ADAMTS20: variants seen among roughly 807,000 people sequenced by gnomAD.
ADAMTS20 encodes the protein A disintegrin and metalloproteinase with thrombospondin motifs 20.
ADAMTS20 carries 225 observed loss-of-function variants against 260.1 expected under a neutral mutation model. That is an observed-to-expected ratio of 0.87 (90% CI 0.78 to 0.97). The LOEUF is 0.97. ADAMTS20 is among the 50% of genes least tolerant of loss of function. The pLI, the probability that ADAMTS20 is intolerant of heterozygous loss-of-function variation, is 0.00. For missense variants in ADAMTS20, 2,400 were observed against 2,337.7 expected (o/e 1.03, Z -0.55); for synonymous variants, 802 against 769.5 (o/e 1.04, Z -0.70).
At chr12:43,384,808 A>G (rs930066939) in intron 29 of ADAMTS20, among the ~76,000 whole-genome samples, 1 of 152,172 alleles carries the variant, frequency 6.6e-6, no homozygotes, top group Non-Finnish European at 1.5e-5. Flanking sequence ...ATAGCTGCAT[A>G]GTATTCCATG....
chr12:43,464,770 C>A, intron 9 of ADAMTS20, 38 bp from the exon 10 acceptor site: 2 of 1,578,086 alleles, frequency 1.3e-6, no homozygotes, highest in Non-Finnish European at 1.7e-6. Context: ...TGTGAATACA[C>A]ATGGATGCAT....
intron 4 of ADAMTS20, among the ~76,000 whole-genome samples, chr12:43,496,197 G>A (rs769944096): frequency 6.6e-6 from 1 of 152,150 alleles, no homozygotes. Flanking sequence ...TTTATTGTGT[G>A]CCAGATGTGT....
intron 37 of ADAMTS20, among the ~76,000 whole-genome samples, chr12:43,362,218 A>T (rs1390973781): frequency 6.6e-6 from 1 of 152,220 alleles, no homozygotes; most frequent in Non-Finnish European, 1.5e-5. Context: ...CCACATATCA[A>T]GGAAAAAACT....
intron 37 of ADAMTS20, among the ~76,000 whole-genome samples, chr12:43,367,935 TCTTAA>T (rs1940023042): frequency 6.6e-6 from 1 of 152,036 alleles, no homozygotes; most frequent in South Asian, 2.1e-4. Context: ...GTCAAAGCCT[TCTTAA>T]TGTTGAGCTG....
rs961884643 is a variant in ADAMTS20, at chr12:43,432,203, T to C, written c.3096+101A>G. On this transcript the variant is annotated intron_variant, in intron 21 of 38. Transcript: ENST00000389420. ...TTGATAATAGTTATTTACAAAATGA[T>C]GAAATAAATTTAAGCACTTTTAAAT... 9.5e-6 allele frequency: 12 copies of C among 1,259,810 alleles called. No homozygotes were observed. In the South Asian group the frequency reaches 1.3e-4, roughly 13 times the overall value. The allele number at this position is 1,259,810 out of a possible 1,614,324, so 78.0% of individuals were successfully genotyped here. A position where few individuals can be genotyped will look rare whatever the true frequency, so the allele number is the denominator to read the frequency against.
chr12:43,458,674 C>T (rs1387583043), intron 11 of ADAMTS20, among the ~76,000 whole-genome samples: 3 of 152,200 alleles, frequency 2.0e-5, no homozygotes, highest in Admixed American at 2.0e-4. Flanking sequence ...TTCTAATCAG[C>T]TTCCTGCTCT....
At chr12:43,536,798 C>G (rs275379) in intron 2 of ADAMTS20, among the ~76,000 whole-genome samples, 141,976 of 152,262 alleles carry the variant, frequency 0.93, 66,567 homozygotes, top group East Asian at 0.99. Flanking sequence ...AATTACGCTT[C>G]ACAGAAAAAA....
Position 43,464,995 on chromosome 12 carries a change from T to C in ADAMTS20, c.1368-263A>G, listed in dbSNP as rs186837004. Among the ~76,000 whole-genome samples, 13 of 152,242 alleles carry C rather than the reference T, an allele frequency of 8.5e-5. No individual in the cohort carries two copies. The East Asian group carries it at 2.3e-3, about 27-fold the overall frequency. On this transcript the variant is annotated intron_variant, in intron 9 of 38. Transcript: ENST00000389420. ...TGAAGGTGGCAATTTTAAAAAATGA[T>C]AAGCAATAAACACAAATTCATCAGA... is the stretch of plus-strand genomic sequence containing the variant.
intron 28 of ADAMTS20, among the ~76,000 whole-genome samples, chr12:43,401,922 T>C (rs1289998943): frequency 6.6e-6 from 1 of 151,906 alleles, no homozygotes; most frequent in Non-Finnish European, 1.5e-5. Context: ...TTCTCCTTAA[T>C]GTGACACATT....
intron 3 of ADAMTS20, among the ~76,000 whole-genome samples, chr12:43,509,813 A>G (rs921489148): frequency 1.3e-5 from 2 of 152,152 alleles, no homozygotes; most frequent in Admixed American, 1.3e-4. Flanking sequence ...AGTTCTTAGT[A>G]AATAGTAATA....
chr12:43,374,493 T>C (rs1940178868), intron 36 of ADAMTS20, among the ~76,000 whole-genome samples: 1 of 152,166 alleles, frequency 6.6e-6, no homozygotes, highest in African/African-American at 2.4e-5. Context: ...TTTGACTTGA[T>C]TGTATTATAA....
chr12:43,485,305 C>T (rs1260169208), intron 7 of ADAMTS20, among the ~76,000 whole-genome samples: 1 of 151,864 alleles, frequency 6.6e-6, no homozygotes, highest in Admixed American at 6.6e-5. Flanking sequence ...ATCACATAAA[C>T]AATTAAAAAC....
At chr12:43,537,037 C>A (rs1020229031) in intron 2 of ADAMTS20, among the ~76,000 whole-genome samples, 1 of 151,990 alleles carries the variant, frequency 6.6e-6, no homozygotes, top group African/African-American at 2.4e-5. Flanking sequence ...AATTCCACTG[C>A]AAATAAAAAG....
At chr12:43,366,117 C>G (rs925333010) in intron 37 of ADAMTS20, among the ~76,000 whole-genome samples, 1 of 151,416 alleles carries the variant, frequency 6.6e-6, no homozygotes, top group African/African-American at 2.4e-5. Flanking sequence ...TCTTAAGAGC[C>G]AAAGATATAA....
rs749759643 is a variant in ADAMTS20 at position 43,452,713 on chromosome 12, A to AT, written c.1761-19dup. ...TTCTTGGCCTAGTCAAATTCATTAC[A>AT]TTTTAAAGCACATCAGTACAACATT... On this transcript the variant is annotated intron_variant, in intron 12 of 38. Coordinates refer to ENST00000389420, the MANE Select transcript of ADAMTS20 (RefSeq NM_025003.5). 1.1e-5 allele frequency: 18 copies of AT among 1,584,062 alleles called. No individual in the cohort carries two copies. Among genetic ancestry groups the AT allele is most frequent in the Non-Finnish European group, 1.4e-5 (16 of 1,162,250 alleles).
At chr12:43,363,125 C>G (rs1939909679) in intron 37 of ADAMTS20, among the ~76,000 whole-genome samples, 1 of 152,066 alleles carries the variant, frequency 6.6e-6, no homozygotes, top group Non-Finnish European at 1.5e-5. Context: ...CTCCCACCTC[C>G]CATGACTCGC....
chr12:43,531,810 G>A (rs980197124), intron 3 of ADAMTS20, among the ~76,000 whole-genome samples: 1 of 152,048 alleles, frequency 6.6e-6, no homozygotes, highest in African/African-American at 2.4e-5. Context: ...ATAAGTACAT[G>A]AGCTAATGCA....
At chr12:43,439,541 A>T (rs968453632) in intron 18 of ADAMTS20, 81 bp downstream of exon 18, 1 of 1,501,818 alleles carries the variant, frequency 6.7e-7, no homozygotes, top group Non-Finnish European at 8.9e-7. Context: ...AGGATTCCAT[A>T]GGCAGCCAAG....
chr12:43,449,117 A>G (rs777445592), intron 14 of ADAMTS20, among the ~76,000 whole-genome samples: 6 of 152,184 alleles, frequency 3.9e-5, no homozygotes, highest in Non-Finnish European at 8.8e-5. Flanking sequence ...CATTCAACTC[A>G]GCAATCCCAT....
Sources: gnomAD v4.1 joint callset for allele counts (sites outside exome capture counted in the v4.1 genomes callset) on GRCh38, gnomAD v4.1.1 for gene constraint, MANE v1.5 for transcripts, NCBI Gene and HGNC (gene_info 2026-07-23, HGNC 2026-07-21) for gene names.